NGF: variants seen among roughly 807,000 people sequenced by gnomAD.
NGF encodes beta-nerve growth factor.
In NGF, 4 loss-of-function variants were observed where a neutral mutation model predicts 12.8. That is an observed-to-expected ratio of 0.31 (90% CI 0.15 to 0.72). NGF has a LOEUF of 0.72. Ranked by LOEUF, NGF falls within the 30% of genes least tolerant of loss-of-function variation. NGF has a pLI of 0.69. For missense variants in NGF, 283 were observed against 330.8 expected, an observed-to-expected ratio of 0.86 and a Z score of 1.12; for synonymous variants, 140 against 130.0, an observed-to-expected ratio of 1.08 and a Z score of -0.52.
intron 1 of NGF, among the ~76,000 whole-genome samples, chr1:115,316,175 G>A (rs1254572410): frequency 2.0e-5 from 3 of 152,148 alleles, no homozygotes; most frequent in African/African-American, 7.2e-5. Context: ...TCTGTGACAT[G>A]GGGAAGTCAT....
intron 1 of NGF, among the ~76,000 whole-genome samples, chr1:115,321,873 T>G (rs1223535116): frequency 1.3e-5 from 2 of 152,162 alleles, no homozygotes; most frequent in Non-Finnish European, 2.9e-5. Flanking sequence ...GGTGTAAGTC[T>G]TAAATGTTCT....
intron 1 of NGF, among the ~76,000 whole-genome samples, chr1:115,324,713 T>G (rs79012056): frequency 0.019 from 2,851 of 152,284 alleles, 86 homozygotes; most frequent in African/African-American, 0.065. Context: ...CTAGCTCATC[T>G]GGAGGAGTGG....
At chr1:115,297,813 C>T (rs1185365937) in intron 1 of NGF, among the ~76,000 whole-genome samples, 4 of 152,172 alleles carry the variant, frequency 2.6e-5, no homozygotes, top group African/African-American at 9.7e-5. Flanking sequence ...TTGGAATCTT[C>T]TGGGAAGCTT....
chr1:115,293,175 A>G (rs1437535607), intron 2 of NGF, among the ~76,000 whole-genome samples: 4 of 152,196 alleles, frequency 2.6e-5, no homozygotes, highest in Admixed American at 2.0e-4. Context: ...ACAGGTACAC[A>G]GCAAACAGAA....
At chr1:115,299,140 T>C (rs567383706) in intron 1 of NGF, among the ~76,000 whole-genome samples, 2 of 152,318 alleles carry the variant, frequency 1.3e-5, no homozygotes, top group South Asian at 2.1e-4. Context: ...TTTTGGCACA[T>C]CCAATAGGAA....
At chr1:115,338,124 CTCTCCCGCG>C (rs1384554278) in intron 1 of NGF, 71 bp downstream of exon 1, 1 of 152,754 alleles carries the variant, frequency 6.5e-6, no homozygotes, top group East Asian at 1.9e-4. Flanking sequence ...TCCTTGCAAA[CTCTCCCGCG>C]AAGCCCAGCC....
chr1:115,319,767 C>T (rs1364792980), intron 1 of NGF, among the ~76,000 whole-genome samples: 1 of 152,180 alleles, frequency 6.6e-6, no homozygotes, highest in Non-Finnish European at 1.5e-5. Context: ...TTCTTGTGCC[C>T]CCAGTGGCCT....
At chr1:115,312,878 AGCTCTCCACAT>A (rs1654371658) in intron 1 of NGF, among the ~76,000 whole-genome samples, 1 of 152,170 alleles carries the variant, frequency 6.6e-6, no homozygotes, top group African/African-American at 2.4e-5. Flanking sequence ...CTTTACTCAG[AGCTCTCCACAT>A]GCATTGGGAA....
intron 1 of NGF, among the ~76,000 whole-genome samples, chr1:115,319,320 T>C (rs1453496826): frequency 6.6e-6 from 1 of 152,192 alleles, no homozygotes; most frequent in Non-Finnish European, 1.5e-5. Context: ...GCACAGACAC[T>C]GTTGCTCTCC....
At chr1:115,325,309 T>C (rs1654743407) in intron 1 of NGF, among the ~76,000 whole-genome samples, 1 of 152,150 alleles carries the variant, frequency 6.6e-6, no homozygotes, top group South Asian at 2.1e-4. Context: ...GTCCAGATCG[T>C]ATAAGGCAGA....
chr1:115,304,196 G>A lies in NGF; in HGVS notation c.-136-10446C>T, dbSNP rs189547634. 7.3e-4 allele frequency among the ~76,000 whole-genome samples: 111 copies of A among 151,924 alleles called. No homozygotes were observed. In the Middle Eastern group the frequency reaches 0.01, roughly 14 times the overall value. On this transcript the variant is annotated intron_variant, in intron 1 of 2. Transcript: ENST00000369512. ...ACAAGTATTTTTTTTTCGAGATGTA[G>A]TTTTTGCCCAGGCTGTAGTGCAGTG...
In NGF at chr1:115,286,731, G is replaced by A; in HGVS notation, c.65C>T (p.Ser22Leu). 1 of 1,614,216 alleles carries A rather than the reference G, an allele frequency of 6.2e-7. No homozygotes were observed. ...FLIGIQAEPH[S>L]ESNVPAGHTI... Reference sequence around the variant, plus strand: ...GTGTCCTGCAGGGACATTGCTCTCTGAGTGTGGTTCCGCCTGTATGCCGAT... The same window carrying A: ...GTGTCCTGCAGGGACATTGCTCTCTAAGTGTGGTTCCGCCTGTATGCCGAT... Residue 22 changes from serine (S) to leucine (L), a missense_variant, in exon 3 of 3, where the codon TCA becomes TTA. Ser to Leu is a moderately radical substitution (Grantham distance 145). Transcript: ENST00000369512.
chr1:115,311,766 T>C (rs1368721589), intron 1 of NGF, among the ~76,000 whole-genome samples: 1 of 152,192 alleles, frequency 6.6e-6, no homozygotes, highest in African/African-American at 2.4e-5. Context: ...AGAGGTGCTG[T>C]CTGTTTACTG....
rs778162180 is a variant in NGF at position 115,286,403 on chromosome 1, G to A, written c.393C>T (p.Gly131=). ...RSSSHPIFHR[G]EFSVCDSVSV... ...TGACACTGTCACACACCGAGAATTCGCCCCTGTGGAAGATGGGATGGGATG... is the reference window on the plus strand; with the variant it reads ...TGACACTGTCACACACCGAGAATTCACCCCTGTGGAAGATGGGATGGGATG... The change falls in exon 3 of 3, where the codon GGC becomes GGT. Residue 131 remains glycine, a synonymous_variant. Transcript: ENST00000369512. The A allele has an allele frequency of 1.1e-5, 17 of 1,613,622 alleles. No individual in the cohort carries two copies. The highest frequency in any genetic ancestry group is 5.0e-5 in the Admixed American group (3 of 59,990).
intron 2 of NGF, among the ~76,000 whole-genome samples, chr1:115,292,366 A>C (rs765215220): frequency 3.3e-5 from 5 of 152,276 alleles, no homozygotes; most frequent in Non-Finnish European, 7.3e-5. Context: ...AATCACCTGG[A>C]GAGTTTGTTA....
rs772557857 is a variant in NGF, at chr1:115,286,402, C to T, written c.394G>A (p.Glu132Lys). The T allele has an allele frequency of 5.6e-6, 9 of 1,613,730 alleles. No homozygotes were observed. The highest frequency in any genetic ancestry group is 5.1e-6 in the Non-Finnish European group (6 of 1,180,012). The change falls in exon 3 of 3, where the codon GAA (glutamate) becomes AAA (lysine). Residue 132 changes from glutamate to lysine, a missense_variant. Glu to Lys is a moderately conservative substitution (Grantham distance 56). This residue lies in a region of NGF where 132 missense variants were observed against 189.2 expected (regional missense o/e 0.70). Coordinates refer to ENST00000369512, the MANE Select transcript of NGF (RefSeq NM_002506.3). ...CTGACACTGTCACACACCGAGAATTCGCCCCTGTGGAAGATGGGATGGGAT... is the reference window on the plus strand; with the variant it reads ...CTGACACTGTCACACACCGAGAATTTGCCCCTGTGGAAGATGGGATGGGAT... ...SSSHPIFHRG[E>K]FSVCDSVSVW...
chr1:115,287,199 T>C (rs6329), intron 2 of NGF, among the ~76,000 whole-genome samples: 144,318 of 152,252 alleles, frequency 0.95, 68,486 homozygotes, highest in East Asian at 1. Context: ...GAGTTTAACA[T>C]CTCTCCCTGG....
chr1:115,327,859 C>G (rs887579414), intron 1 of NGF, among the ~76,000 whole-genome samples: 10 of 152,236 alleles, frequency 6.6e-5, no homozygotes, highest in African/African-American at 2.4e-4. Flanking sequence ...TGTCTCTCTT[C>G]TGCTATAAAT....
intron 1 of NGF, among the ~76,000 whole-genome samples, chr1:115,320,441 C>T (rs532360908): frequency 1.3e-3 from 198 of 152,278 alleles, no homozygotes; most frequent in African/African-American, 4.7e-3. Flanking sequence ...AATACAAGCA[C>T]TGCCATACTG....
Sources: allele counts gnomAD v4.1 joint callset (sites outside exome capture counted in the v4.1 genomes callset), GRCh38; gene constraint gnomAD v4.1.1; regional missense constraint gnomAD v4.1.1; transcripts MANE v1.5; gene names NCBI Gene and HGNC (gene_info 2026-07-23, HGNC 2026-07-21).